DAB2IP: variants seen among roughly 807,000 people sequenced by gnomAD.
The protein encoded by DAB2IP is disabled homolog 2-interacting protein.
In DAB2IP, 28 loss-of-function variants were observed where a neutral mutation model predicts 107.2. That is an observed-to-expected ratio of 0.26 (90% confidence interval 0.19 to 0.36). The LOEUF is 0.36. Among genes scored for constraint, DAB2IP ranks in the 10% least tolerant of loss-of-function variants. DAB2IP has a pLI of 1.00. For missense variants in DAB2IP, 1,400 were observed against 1,644.7 expected (o/e 0.85, Z 2.57); for synonymous variants, 755 against 706.4 (o/e 1.07, Z -1.09).
chr9:121,613,155 G>C (rs760608657), intron 1 of DAB2IP, among the ~76,000 whole-genome samples: 4 of 152,210 alleles, frequency 2.6e-5, no homozygotes, highest in Admixed American at 1.3e-4. Context: ...GCAGCTGCCT[G>C]GGCTCCTCAG....
intron 3 of DAB2IP, among the ~76,000 whole-genome samples, chr9:121,749,086 C>G (rs1391230735): frequency 2.6e-5 from 4 of 152,198 alleles, no homozygotes; most frequent in Non-Finnish European, 4.4e-5. Context: ...AGGACAGGCT[C>G]TGTCTCCCCA....
At chr9:121,641,133 A>C (rs1832272868) in intron 1 of DAB2IP, among the ~76,000 whole-genome samples, 1 of 152,202 alleles carries the variant, frequency 6.6e-6, no homozygotes, top group Non-Finnish European at 1.5e-5. Context: ...TCTTGGCCCC[A>C]AACTTTCTGC....
chr9:121,653,107 G>A (rs931416179), intron 1 of DAB2IP, among the ~76,000 whole-genome samples: 2 of 152,092 alleles, frequency 1.3e-5, no homozygotes, highest in Non-Finnish European at 2.9e-5. Context: ...TGAAGTCTTA[G>A]TAAGTACAGA....
At chr9:121,675,165 G>A (rs1404310386) in intron 1 of DAB2IP, among the ~76,000 whole-genome samples, 2 of 152,132 alleles carry the variant, frequency 1.3e-5, no homozygotes, top group Admixed American at 6.5e-5. Flanking sequence ...ACTGATGTGC[G>A]GGGTTGTGAG....
At chr9:121,581,069 T>C (rs1015996769) in intron 1 of DAB2IP, among the ~76,000 whole-genome samples, 1 of 152,072 alleles carries the variant, frequency 6.6e-6, no homozygotes, top group Admixed American at 6.5e-5. Context: ...GGAGGAGCCA[T>C]GAATAGTTTC....
At chr9:121,656,031 G>A (rs62572789) in intron 1 of DAB2IP, among the ~76,000 whole-genome samples, 29,973 of 149,242 alleles carry the variant, frequency 0.2, 3,692 homozygotes, top group South Asian at 0.31. Context: ...TTTTTGAGAC[G>A]GAGTTTTGCT....
At chr9:121,750,032 G>T (rs1832994152) in intron 3 of DAB2IP, among the ~76,000 whole-genome samples, 1 of 152,194 alleles carries the variant, frequency 6.6e-6, no homozygotes, top group Admixed American at 6.5e-5. Flanking sequence ...GGCATGAACA[G>T]TTATGAGCAA....
At chr9:121,570,032 C>T (rs1456571653) in intron 1 of DAB2IP, among the ~76,000 whole-genome samples, 1 of 149,684 alleles carries the variant, frequency 6.7e-6, no homozygotes, top group Non-Finnish European at 1.5e-5. Flanking sequence ...CGGGCTCAAG[C>T]AATTCCAATG....
At chr9:121,591,364 G>A (rs986318675) in intron 1 of DAB2IP, among the ~76,000 whole-genome samples, 5 of 152,238 alleles carry the variant, frequency 3.3e-5, no homozygotes, top group African/African-American at 1.2e-4. Context: ...AGCTACTCAG[G>A]AGGCTGAGGC....
chr9:121,751,078 T>A, intron 3 of DAB2IP: 1 of 217,730 alleles, frequency 4.6e-6, no homozygotes. Flanking sequence ...GCTGTGGACC[T>A]TTCCCTGCTG....
chr9:121,781,610 G>T (rs1835657561), intron 15 of DAB2IP, 59 bp downstream of exon 15: 4 of 1,541,768 alleles, frequency 2.6e-6, no homozygotes, highest in South Asian at 1.1e-5. Flanking sequence ...ATTAGGAGGG[G>T]TGACTAGCCT....
At position 121,782,766 on chromosome 9, in the gene DAB2IP, G is replaced by A. The variant is rs574066797; in HGVS notation, c.*268G>A. The A allele has an allele frequency of 7.6e-7, 1 of 1,324,094 alleles. No individual in the cohort carries two copies. Among genetic ancestry groups the A allele is most frequent in the African/African-American group, 1.5e-5 (1 of 67,792 alleles). The allele number at this position is 1,324,094 out of a possible 1,614,324, so 82.0% of individuals were successfully genotyped here. ...GAGTGGGGACAGCCTGATGGGGCAG[G>A]GGGCCTGCCAAAAATATGTCTGTTG... is the stretch of plus-strand genomic sequence containing the variant. On this transcript the variant is annotated 3_prime_UTR_variant, in exon 16 of 16. Coordinates refer to ENST00000408936, the Ensembl canonical transcript of DAB2IP. The surrounding 1 kb of genome is among the most constrained non-coding windows in gnomAD (Gnocchi z 6.1).
At chr9:121,630,355 C>T (rs1831828775) in intron 1 of DAB2IP, among the ~76,000 whole-genome samples, 1 of 151,940 alleles carries the variant, frequency 6.6e-6, no homozygotes, top group Admixed American at 6.6e-5. Flanking sequence ...GAAACCCTGT[C>T]TCTACTAAAA....
rs1831241480 is a variant in DAB2IP at position 121,615,554 on chromosome 9, T to TA, written c.40+48328dup. The stretch of plus-strand genomic sequence containing the variant: ...CTTGGGTCAATTGGCAGGTCCTTTA[T>TA]AATGAGTGTCCAAGGCTGGGTGGCA... On this transcript the variant is annotated intron_variant, in intron 1 of 16. Transcript: ENST00000259371. Among the ~76,000 whole-genome samples the TA allele has an allele frequency of 3.3e-5, 5 of 152,240 alleles. No homozygotes were observed. The South Asian group carries it at 1.0e-3, about 32-fold the overall frequency.
In DAB2IP at chr9:121,699,982, C is replaced by T. The variant is rs371510452; in HGVS notation, c.362+524C>T. Among the ~76,000 whole-genome samples the T allele has an allele frequency of 2.6e-4, 39 of 152,316 alleles. No homozygotes were observed. Among genetic ancestry groups the T allele is most frequent in the African/African-American group, 7.0e-4 (29 of 41,590 alleles). ...GGGCCACTTAGGGGGCACATCTGCTCTAAGTAGGGCGCGTGCTCCACTGGG... is the reference window on the plus strand; with the variant it reads ...GGGCCACTTAGGGGGCACATCTGCTTTAAGTAGGGCGCGTGCTCCACTGGG... On this transcript the variant is annotated intron_variant, in intron 3 of 15. Transcript: ENST00000408936. This position sits in a 1 kb window ranked among gnomAD's most constrained non-coding sequence, Gnocchi z 6.2.
At chr9:121,571,794 C>A (rs490396) in intron 1 of DAB2IP, among the ~76,000 whole-genome samples, 42,588 of 151,830 alleles carry the variant, frequency 0.28, 6,489 homozygotes, top group African/African-American at 0.32. Context: ...CGGTGGGAGC[C>A]CCTTAGAGCA....
chr9:121,665,257 A>C (rs1345333710), intron 1 of DAB2IP, among the ~76,000 whole-genome samples: 2 of 152,224 alleles, frequency 1.3e-5, no homozygotes, highest in Non-Finnish European at 2.9e-5. Flanking sequence ...TAATCCCAGC[A>C]CTTTGGAAGG....
chr9:121,645,804 C>T (rs1035229894), intron 1 of DAB2IP, among the ~76,000 whole-genome samples: 4 of 152,272 alleles, frequency 2.6e-5, no homozygotes, highest in South Asian at 4.2e-4. Context: ...TCGACGTGTA[C>T]GAGGGAGACG....
rs1321520385 is a variant in DAB2IP at position 121,760,195 on chromosome 9, A to T, written c.926A>T (p.Lys309Met). Residue 309 changes from lysine to methionine, a missense_variant, in exon 6 of 16, where the codon AAG becomes ATG. By Grantham distance (95) the Lys-to-Met change is moderately conservative (BLOSUM62 -1). Around this residue, in one of 3 missense-constraint regions of DAB2IP, gnomAD observed 517 missense variants for 748.6 expected, o/e 0.69. Transcript: ENST00000408936. The surrounding 1 kb of genome is among the most constrained non-coding windows in gnomAD (Gnocchi z 5.9). ...GTGGCCGGGCGGCAGTTCGTGGAGAAGTGGTACCCGGTGGTGACGCCCAAC... is the reference window on the plus strand; with the variant it reads ...GTGGCCGGGCGGCAGTTCGTGGAGATGTGGTACCCGGTGGTGACGCCCAAC... 6 of 1,613,580 alleles carry T rather than the reference A, an allele frequency of 3.7e-6. No homozygotes were observed. Among genetic ancestry groups the T allele is most frequent in the Non-Finnish European group, 5.1e-6 (6 of 1,180,010 alleles).
Sources: gnomAD v4.1 joint callset for allele counts (sites outside exome capture counted in the v4.1 genomes callset) on GRCh38, gnomAD v4.1.1 for gene constraint, gnomAD v4.1.1 regional missense constraint, Gnocchi (gnomAD v3.1) non-coding constraint, MANE v1.5 for transcripts, NCBI Gene and HGNC (gene_info 2026-07-23, HGNC 2026-07-21) for gene names.